SESN3: variants seen among roughly 807,000 people sequenced by gnomAD.
SESN3 encodes sestrin 3, also known as sestrin-3.
Under a neutral mutation model 55.3 loss-of-function variants are expected in SESN3, and 21 were observed. The observed-to-expected ratio is 0.38, with a 90% CI of 0.27 to 0.55. SESN3 has a LOEUF of 0.55. Ranked by LOEUF, SESN3 falls within the 20% of genes least tolerant of loss-of-function variation. SESN3 has a pLI of 0.76. For synonymous variants in SESN3, 181 were observed against 203.1 expected (o/e 0.89, Z 0.93); for missense variants, 408 against 604.3 (o/e 0.68, Z 3.41).
chr11:95,231,496 T>A (rs181310985), upstream of SESN3: 165 of 202,020 alleles, frequency 8.2e-4, no homozygotes, highest in Non-Finnish European at 2.5e-4. Flanking sequence ...CGAGGGTGTG[T>A]CATATGCAAA....
intron 1 of SESN3, among the ~76,000 whole-genome samples, chr11:95,211,098 T>G (rs1860646301): frequency 6.6e-6 from 1 of 152,242 alleles, no homozygotes; most frequent in African/African-American, 2.4e-5. Context: ...AATTACTTCC[T>G]GGTGCATAGA....
At chr11:95,197,445 C>CTTTTT (rs5793719) in intron 1 of SESN3, among the ~76,000 whole-genome samples, 1 of 136,358 alleles carries the variant, frequency 7.3e-6, no homozygotes, top group Non-Finnish European at 1.6e-5. Flanking sequence ...CTTTTCTTTT[C>CTTTTT]TTTTTTTTTT....
Position 95,230,059 on chromosome 11 carries a change from C to CT in SESN3, c.78+723dup, listed in dbSNP as rs1261324591. On this transcript the variant is annotated intron_variant, in intron 1 of 9. Transcript: ENST00000536441. This position sits in a 1 kb window ranked among gnomAD's most constrained non-coding sequence, Gnocchi z 4.6. ...AGTCACTCTAGGAAGCAGCAATAAACTGATGGTGCGCCTCATTTTTCTGGA... is the reference window on the plus strand; with the variant it reads ...AGTCACTCTAGGAAGCAGCAATAAACTTGATGGTGCGCCTCATTTTTCTGGA... The CT allele has an allele frequency of 6.6e-6, 1 of 152,214 alleles. No individual in the cohort carries two copies. Among genetic ancestry groups the CT allele is most frequent in the Admixed American group, 6.6e-5 (1 of 15,258 alleles). The allele number at this position is 152,214 out of a possible 1,614,324, so 9.4% of individuals were successfully genotyped here.
At chr11:95,200,726 T>C (rs1297072773) in intron 1 of SESN3, among the ~76,000 whole-genome samples, 1 of 152,092 alleles carries the variant, frequency 6.6e-6, no homozygotes, top group Non-Finnish European at 1.5e-5. Flanking sequence ...TATCAAGTCC[T>C]TCCTGCAACA....
chr11:95,195,817 C>G (rs1228650040), intron 1 of SESN3, among the ~76,000 whole-genome samples: 1 of 152,146 alleles, frequency 6.6e-6, no homozygotes, highest in Non-Finnish European at 1.5e-5. Flanking sequence ...TGCCAATGTG[C>G]TAACAAAAAT....
intron 1 of SESN3, among the ~76,000 whole-genome samples, chr11:95,195,350 T>C (rs1047487895): frequency 2.6e-5 from 4 of 152,202 alleles, no homozygotes; most frequent in Non-Finnish European, 5.9e-5. Flanking sequence ...AGGTACTGCA[T>C]TTAAATGAAT....
At position 95,166,362 on chromosome 11, in the gene SESN3, A is replaced by G. The variant is rs1859748369; in HGVS notation, c.*6893T>C. On this transcript the variant is annotated 3_prime_UTR_variant, in exon 10 of 10. Transcript: ENST00000536441. Reference sequence around the variant, plus strand: ...TGAATAAAAAGTACCAAGAAACGCAAATGATAATTCTGTATTAATACTGAT... The same window carrying G: ...TGAATAAAAAGTACCAAGAAACGCAGATGATAATTCTGTATTAATACTGAT... 2 of 152,190 alleles carry G rather than the reference A, an allele frequency of 1.3e-5. No individual in the cohort carries two copies. 9.4% of individuals were successfully genotyped at this position (152,190 alleles called of 1,614,324 possible). A position where few individuals can be genotyped will look rare whatever the true frequency, so the allele number is the denominator to read the frequency against.
chr11:95,175,896 A>G lies in SESN3; in HGVS notation c.1248-254T>C, dbSNP rs557377883. Among the ~76,000 whole-genome samples, 3 of 152,330 alleles carry G rather than the reference A, an allele frequency of 2.0e-5. No individual in the cohort carries two copies. In the South Asian group the frequency reaches 6.2e-4, roughly 32 times the overall value. On this transcript the variant is annotated intron_variant, in intron 8 of 9. Transcript: ENST00000536441. ...GTTGAAGAAAAAACGAAGAAAAATT[A>G]AAAAGATAAACACATTGTAGTCAGA...
At chr11:95,213,374 C>T (rs1860694279) in intron 1 of SESN3, among the ~76,000 whole-genome samples, 1 of 152,116 alleles carries the variant, frequency 6.6e-6, no homozygotes, top group Non-Finnish European at 1.5e-5. Flanking sequence ...AAGATTTAGT[C>T]AAGGGGCAAA....
At chr11:95,225,840 A>AC (rs905961544) in intron 1 of SESN3, among the ~76,000 whole-genome samples, 5 of 151,384 alleles carry the variant, frequency 3.3e-5, no homozygotes, top group Admixed American at 1.3e-4. Context: ...TAGATTTACC[A>AC]CCCCCCCTTT....
rs1285742849 is a variant in SESN3 at position 95,170,902 on chromosome 11, TA to T, written c.*2352del. 1.3e-5 allele frequency: 2 copies of T among 152,192 alleles called. No homozygotes were observed. Among genetic ancestry groups the T allele is most frequent in the African/African-American group, 4.8e-5 (2 of 41,448 alleles). The allele number at this position is 152,192 out of a possible 1,614,324, so 9.4% of individuals were successfully genotyped here. ...GAAAGAGATCTATTAAAGGCACTAA[TA>T]TTTCCATAGCCTAAACTCCAACTAC... On this transcript the variant is annotated 3_prime_UTR_variant, in exon 10 of 10. Transcript: ENST00000536441.
intron 1 of SESN3, among the ~76,000 whole-genome samples, chr11:95,218,879 C>T (rs953628880): frequency 1.3e-5 from 2 of 152,158 alleles, no homozygotes; most frequent in Admixed American, 6.5e-5. Context: ...GTCTCGTTCT[C>T]CTGACCTCGT....
At chr11:95,213,426 C>T (rs1442501264) in intron 1 of SESN3, among the ~76,000 whole-genome samples, 1 of 152,154 alleles carries the variant, frequency 6.6e-6, no homozygotes, top group African/African-American at 2.4e-5. Flanking sequence ...TTACCGATGA[C>T]AATGTGGTCT....
At position 95,231,173 on chromosome 11, in the gene SESN3, GCCACCA is replaced by G; in HGVS notation, c.-319_-314del. The G allele has an allele frequency of 3.7e-6, 1 of 272,874 alleles. No homozygotes were observed. Among genetic ancestry groups the G allele is most frequent in the Non-Finnish European group, 6.6e-6 (1 of 151,962 alleles). 16.9% of individuals were successfully genotyped at this position (272,874 alleles called of 1,614,324 possible). A position where few individuals can be genotyped will look rare whatever the true frequency, so the allele number is the denominator to read the frequency against. ...ACGAGCAGCCGCCACCGCTGCCACCGCCACCACCGCCGCCGCAGCGCCTCAGTGCGG... is the reference window on the plus strand; with the variant it reads ...ACGAGCAGCCGCCACCGCTGCCACCGCCGCCGCCGCAGCGCCTCAGTGCGG... On this transcript the variant is annotated 5_prime_UTR_variant, in exon 1 of 10. Coordinates refer to ENST00000536441, the MANE Select transcript of SESN3 (RefSeq NM_144665.4).
intron 1 of SESN3, among the ~76,000 whole-genome samples, chr11:95,197,445 CTT>C (rs5793719): frequency 3.8e-4 from 52 of 136,316 alleles, no homozygotes; most frequent in Middle Eastern, 3.9e-3. Flanking sequence ...CTTTTCTTTT[CTT>C]TTTTTTTTTT....
At chr11:95,184,678 T>A in intron 5 of SESN3, 84 bp from the exon 6 acceptor site, 2 of 1,283,422 alleles carry the variant, frequency 1.6e-6, no homozygotes, top group South Asian at 1.3e-5. Flanking sequence ...GTCACCTTAC[T>A]ATGTACAGCG....
Position 95,188,016 on chromosome 11 carries a change from TAAA to T in SESN3, c.525+1760_525+1762del, listed in dbSNP as rs5793718. Among the ~76,000 whole-genome samples, 133 of 144,146 alleles carry T rather than the reference TAAA, an allele frequency of 9.2e-4. 3 individuals carry two copies. In the South Asian group the frequency reaches 0.012, roughly 13 times the overall value. 94.6% of individuals were successfully genotyped at this position (144,146 alleles called of 152,430 possible). ...TCCTTCCTATGTATCTCCCATGGCT[TAAA>T]AAAAAAAAAAAAATCACCTCTCAGG... On this transcript the variant is annotated intron_variant, in intron 4 of 9. Transcript: ENST00000536441.
At position 95,215,619 on chromosome 11, in the gene SESN3, A is replaced by T. The variant is rs566122077; in HGVS notation, c.78+15164T>A. Among the ~76,000 whole-genome samples the T allele has an allele frequency of 2.0e-5, 3 of 152,288 alleles. No individual in the cohort carries two copies. The South Asian group carries it at 6.2e-4, about 32-fold the overall frequency. The stretch of plus-strand genomic sequence containing the variant: ...ATGTAGTAAACGGTCTGTGTCCCCT[A>T]TGAATTCAACTGACCTTGACAAACA... On this transcript the variant is annotated intron_variant, in intron 1 of 9. Transcript: ENST00000536441.
At position 95,185,365 on chromosome 11, in the gene SESN3, G is replaced by A; in HGVS notation, c.653C>T (p.Pro218Leu). The A allele has an allele frequency of 6.2e-7, 1 of 1,612,988 alleles. No individual in the cohort carries two copies. Among genetic ancestry groups the A allele is most frequent in the Non-Finnish European group, 8.5e-7 (1 of 1,179,198 alleles). ...FGSGINPERD[P>L]EISNGFRLIS... is the part of the protein sequence containing the mutation. ...TAGCCTGAATCCATTGGAGATTTCTGGATCTCTCTCTGGATTGATACCACT... is the reference window on the plus strand; with the variant it reads ...TAGCCTGAATCCATTGGAGATTTCTAGATCTCTCTCTGGATTGATACCACT... The change falls in exon 5 of 10, where the codon CCA (proline) becomes CTA (leucine). Residue 218 changes from proline to leucine, a missense_variant. Physicochemically the swap from Pro to Leu is moderately conservative, Grantham distance 98. This residue lies in a region of SESN3 where 119 missense variants were observed against 139.9 expected (regional missense o/e 0.85). Transcript: ENST00000536441.
Sources: allele counts gnomAD v4.1 joint callset (sites outside exome capture counted in the v4.1 genomes callset), GRCh38; gene constraint gnomAD v4.1.1; regional missense constraint gnomAD v4.1.1; non-coding constraint Gnocchi (gnomAD v3.1); transcripts MANE v1.5; gene names NCBI Gene and HGNC (gene_info 2026-07-23, HGNC 2026-07-21).